The following TMEM70 variants were observed in gnomAD, a reference collection of about 807,000 sequenced individuals.
The protein encoded by TMEM70 is transmembrane protein 70.
In TMEM70, 15 loss-of-function variants were observed where a neutral mutation model predicts 20.5. That is an observed-to-expected ratio of 0.73 (90% CI 0.49 to 1.13). TMEM70 has a LOEUF of 1.13. Among genes scored for constraint, TMEM70 ranks in the 50% most tolerant of loss-of-function variants. The pLI, the probability that TMEM70 is intolerant of heterozygous loss-of-function variation, is 0.00. For missense variants in TMEM70, 344 were observed against 331.7 expected (o/e 1.04, Z -0.29); for synonymous variants, 141 against 134.2 (o/e 1.05, Z -0.35).
rs1815807822 is a variant in TMEM70 at position 73,981,714 on chromosome 8, A to C, written c.*93A>C. ...TGCATTCCGTTAGTGACTGATTGTT[A>C]AAAATAATTTGAAATTATCAAAGCT... On this transcript the variant is annotated 3_prime_UTR_variant, in exon 3 of 3. Coordinates refer to ENST00000312184, the MANE Select transcript of TMEM70 (RefSeq NM_017866.6). The C allele has an allele frequency of 2.3e-6, 2 of 863,496 alleles. No homozygotes were observed. Among genetic ancestry groups the C allele is most frequent in the African/African-American group, 3.4e-5 (2 of 59,204 alleles). 53.5% of individuals were successfully genotyped at this position (863,496 alleles called of 1,614,324 possible).
rs1239461970 is a variant in TMEM70, at chr8:73,981,970, T to G, written c.*349T>G. 1.3e-5 allele frequency: 6 copies of G among 478,478 alleles called. 1 individual carries two copies. The highest frequency in any genetic ancestry group is 2.1e-5 in the Non-Finnish European group (5 of 243,444). The allele number at this position is 478,478 out of a possible 1,614,324, so 29.6% of individuals were successfully genotyped here. A position where few individuals can be genotyped will look rare whatever the true frequency, so the allele number is the denominator to read the frequency against. ...GGATTTTTCTAAGTGTATAAATATT[T>G]TCCGACATTAAAAGACATTTTCTCT... On this transcript the variant is annotated 3_prime_UTR_variant, in exon 3 of 3. Transcript: ENST00000312184.
At chr8:73,979,587 A>G (rs559388943) in intron 2 of TMEM70, among the ~76,000 whole-genome samples, 150 of 152,234 alleles carry the variant, frequency 9.9e-4, no homozygotes, top group African/African-American at 3.2e-3. Context: ...TTTGAAGTAT[A>G]CAGTTTAGAA....
rs755663687 is a variant in TMEM70, at chr8:73,982,033, G to A, written c.*412G>A. 4.3e-6 allele frequency: 2 copies of A among 465,606 alleles called. No homozygotes were observed. The highest frequency in any genetic ancestry group is 3.1e-5 in the South Asian group (2 of 64,846). The allele number at this position is 465,606 out of a possible 1,614,324, so 28.8% of individuals were successfully genotyped here. A position where few individuals can be genotyped will look rare whatever the true frequency, so the allele number is the denominator to read the frequency against. ...CAGTCATAGGTGGTGCGGAGCTGTG[G>A]TCCACCTGCTCCTGCTCCTGACTCA... On this transcript the variant is annotated 3_prime_UTR_variant, in exon 3 of 3. Coordinates refer to ENST00000312184, the MANE Select transcript of TMEM70 (RefSeq NM_017866.6).
Position 73,982,682 on chromosome 8 carries a change from G to A in TMEM70, c.*1061G>A, listed in dbSNP as rs908997645. On this transcript the variant is annotated 3_prime_UTR_variant, in exon 3 of 3. Transcript: ENST00000312184. Reference sequence around the variant, plus strand: ...AGCTATACGGGAAATGGTAAGTAGTGTTGTCTTCAGTATCTTAATTTGTTT... The same window carrying A: ...AGCTATACGGGAAATGGTAAGTAGTATTGTCTTCAGTATCTTAATTTGTTT... The A allele has an allele frequency of 2.2e-6, 1 of 459,816 alleles. No individual in the cohort carries two copies. Among genetic ancestry groups the A allele is most frequent in the Non-Finnish European group, 4.3e-6 (1 of 230,368 alleles). 28.5% of individuals were successfully genotyped at this position (459,816 alleles called of 1,614,324 possible). A position where few individuals can be genotyped will look rare whatever the true frequency, so the allele number is the denominator to read the frequency against.
rs1308822892 is a variant in TMEM70 at position 73,976,239 on chromosome 8, A to C, written c.-43A>C. 34 of 1,557,910 alleles carry C rather than the reference A, an allele frequency of 2.2e-5. No homozygotes were observed. Among genetic ancestry groups the C allele is most frequent in the Non-Finnish European group, 3.0e-5 (34 of 1,149,362 alleles). The stretch of plus-strand genomic sequence containing the variant: ...GGGAAGCCGTGTCTCGCAGTCGTGG[A>C]CTCGTGCAGCTGGGGCGTCCGCAGC... On this transcript the variant is annotated 5_prime_UTR_variant, in exon 1 of 3. Coordinates refer to ENST00000312184, the MANE Select transcript of TMEM70 (RefSeq NM_017866.6).
chr8:73,976,391 C>A lies in TMEM70; in HGVS notation c.110C>A (p.Ser37Tyr). 5 of 1,591,898 alleles carry A rather than the reference C, an allele frequency of 3.1e-6. No individual in the cohort carries two copies. The highest frequency in any genetic ancestry group is 4.2e-6 in the Non-Finnish European group (5 of 1,176,648). ...AALRGPRASVSRASSSSGPSG... is the reference protein window; with the variant it reads ...AALRGPRASVYRASSSSGPSG... ...CTCCGAGGTCCCCGGGCCTCTGTCT[C>A]CCGGGCGTCCTCCAGCAGCGGGCCT... The change falls in exon 1 of 3, where the codon TCC (serine) becomes TAC (tyrosine). Residue 37 changes from serine to tyrosine, a missense_variant. Transcript: ENST00000312184.
chr8:73,981,117 T>G, intron 2 of TMEM70, 38 bp from the exon 3 acceptor site: 1 of 1,525,266 alleles, frequency 6.6e-7, no homozygotes, highest in Non-Finnish European at 9.1e-7. Context: ...TTTATAAAAT[T>G]TAAAAGTATT....
In TMEM70 at chr8:73,981,670, T is replaced by A. The variant is rs780872748; in HGVS notation, c.*49T>A. The A allele has an allele frequency of 7.4e-7, 1 of 1,353,104 alleles. No homozygotes were observed. Among genetic ancestry groups the A allele is most frequent in the Non-Finnish European group, 1.0e-6 (1 of 960,520 alleles). 83.8% of individuals were successfully genotyped at this position (1,353,104 alleles called of 1,614,324 possible). A position where few individuals can be genotyped will look rare whatever the true frequency, so the allele number is the denominator to read the frequency against. ...CAAATGTGATTTACGTTTTAATGTATAATAATAAAATTGCCTTTTGCATTC... is the reference window on the plus strand; with the variant it reads ...CAAATGTGATTTACGTTTTAATGTAAAATAATAAAATTGCCTTTTGCATTC... On this transcript the variant is annotated 3_prime_UTR_variant, in exon 3 of 3. Transcript: ENST00000312184.
At chr8:73,981,134 C>A in intron 2 of TMEM70, 21 bp from the exon 3 acceptor site, 1 of 1,577,560 alleles carries the variant, frequency 6.3e-7, no homozygotes, top group Non-Finnish European at 8.7e-7. Flanking sequence ...TATTGATCCT[C>A]TCTCTTTTTT....
intron 2 of TMEM70, among the ~76,000 whole-genome samples, chr8:73,979,735 T>C (rs1027182357): frequency 6.6e-6 from 1 of 151,864 alleles, no homozygotes; most frequent in Non-Finnish European, 1.5e-5. Flanking sequence ...GCCTCCCAAA[T>C]AGCTAGGACT....
At position 73,979,998 on chromosome 8, in the gene TMEM70, C is replaced by T. The variant is rs1296752058; in HGVS notation, c.316+1137C>T. Among the ~76,000 whole-genome samples, 11 of 152,362 alleles carry T rather than the reference C, an allele frequency of 7.2e-5. No individual in the cohort carries two copies. The East Asian group carries it at 2.1e-3, about 29-fold the overall frequency. On this transcript the variant is annotated intron_variant, in intron 2 of 2. Coordinates refer to ENST00000312184, the MANE Select transcript of TMEM70 (RefSeq NM_017866.6). ...CCTTCCAAAGTGCTGAGATTACAGGCATGAGCCACTGCACTCTGCTAGAAG... is the reference window on the plus strand; with the variant it reads ...CCTTCCAAAGTGCTGAGATTACAGGTATGAGCCACTGCACTCTGCTAGAAG...
At chr8:73,978,692 C>CAA (rs112765233) in intron 1 of TMEM70, 64 bp from the exon 2 acceptor site, 10,515 of 1,302,218 alleles carry the variant, frequency 8.1e-3, no homozygotes, top group Middle Eastern at 0.018. Context: ...GACTCTGTCT[C>CAA]AAAAAAAAAA....
Position 73,981,639 on chromosome 8 carries a change from C to A in TMEM70, c.*18C>A. The A allele has an allele frequency of 3.2e-6, 5 of 1,553,314 alleles. No individual in the cohort carries two copies. The South Asian group carries it at 4.5e-5, about 14-fold the overall frequency. ...ACAAATGAGCCTATTTGTTAGTGTT[C>A]GTGCTCAAATGTGATTTACGTTTTA... On this transcript the variant is annotated 3_prime_UTR_variant, in exon 3 of 3. Coordinates refer to ENST00000312184, the MANE Select transcript of TMEM70 (RefSeq NM_017866.6).
At chr8:73,976,514 T>A in intron 1 of TMEM70, 23 bp downstream of exon 1, 1 of 1,498,536 alleles carries the variant, frequency 6.7e-7, no homozygotes, top group Non-Finnish European at 8.9e-7. Flanking sequence ...AGGTCTGGTG[T>A]CCCAAGTGAG....
At position 73,976,474 on chromosome 8, in the gene TMEM70, C is replaced by A. The variant is rs868357414; in HGVS notation, c.193C>A (p.Arg65Ser). 1 of 1,539,380 alleles carries A rather than the reference C, an allele frequency of 6.5e-7. No individual in the cohort carries two copies. Among genetic ancestry groups the A allele is most frequent in the East Asian group, 2.4e-5 (1 of 41,970 alleles). Residue 65 changes from arginine (R) to serine (S), a missense_variant, in exon 1 of 3, where the codon CGT (arginine) becomes AGT (serine). Physicochemically the swap from Arg to Ser is moderately radical, Grantham distance 110. Transcript: ENST00000312184. ...TTCGGGAGCCGCGCGCCTTCTCCGG[C>A]GTCCGGGTCGAGCGCAGGTAGGGCG... ...GPSGAARLLR[R>S]PGRAQIPVYW... is the part of the protein sequence containing the mutation.
At chr8:73,978,484 G>A (rs1340672817) in intron 1 of TMEM70, among the ~76,000 whole-genome samples, 1 of 148,086 alleles carries the variant, frequency 6.8e-6, no homozygotes, top group African/African-American at 2.5e-5. Context: ...GAGGTCAAGA[G>A]TTCAAGACCA....
At chr8:73,976,621 T>C in intron 1 of TMEM70, 130 bp downstream of exon 1, 1 of 948,904 alleles carries the variant, frequency 1.1e-6, no homozygotes, top group Non-Finnish European at 1.5e-6. Flanking sequence ...AGGAGCCCCC[T>C]CTGCGGGGCT....
chr8:73,981,136 CTCTT>C lies in TMEM70; in HGVS notation c.317-17_317-14del. 4.4e-6 allele frequency: 7 copies of C among 1,583,364 alleles called. No individual in the cohort carries two copies. Among genetic ancestry groups the C allele is most frequent in the Non-Finnish European group, 6.1e-6 (7 of 1,152,810 alleles). The stretch of plus-strand genomic sequence containing the variant: ...TAAAATTTAAAAGTATTGATCCTCT[CTCTT>C]TTTTTCCCATTTAGGTGTGAAATGT... On this transcript the variant is annotated splice_polypyrimidine_tract_variant and intron_variant, in intron 2 of 2. Transcript: ENST00000312184.
intron 1 of TMEM70, 100 bp from the exon 2 acceptor site, chr8:73,978,656 G>GC (rs1174284980): frequency 2.4e-6 from 3 of 1,237,726 alleles, no homozygotes; most frequent in Non-Finnish European, 3.4e-6. Flanking sequence ...TCGCACCACT[G>GC]CCCTCCAGTC....
Sources: allele counts gnomAD v4.1 joint callset (sites outside exome capture counted in the v4.1 genomes callset), GRCh38; gene constraint gnomAD v4.1.1; transcripts MANE v1.5; gene names NCBI Gene and HGNC (gene_info 2026-07-23, HGNC 2026-07-21).